The following KCNMB4 variants were observed in gnomAD, a reference collection of about 807,000 sequenced individuals.
KCNMB4 encodes the protein potassium calcium-activated channel subfamily M regulatory beta subunit 4.
KCNMB4 carries 3 observed loss-of-function variants against 20.7 expected under a neutral mutation model. The ratio of observed to expected loss-of-function variants is 0.14; its 90% CI spans 0.07 to 0.37. The LOEUF is 0.37. Among genes scored for constraint, KCNMB4 ranks in the 10% least tolerant of loss-of-function variants. The pLI is 1.00. For missense variants in KCNMB4, 168 were observed against 265.9 expected, an observed-to-expected ratio of 0.63 and a Z score of 2.56; for synonymous variants, 110 against 113.4, an observed-to-expected ratio of 0.97 and a Z score of 0.19.
intron 2 of KCNMB4, among the ~76,000 whole-genome samples, chr12:70,406,754 G>C (rs1868613275): frequency 6.6e-6 from 1 of 152,144 alleles, no homozygotes; most frequent in Non-Finnish European, 1.5e-5. Flanking sequence ...TGTTGTAAGG[G>C]CTGCCTCCCC....
rs1418281100 is a variant in KCNMB4 at position 70,432,810 on chromosome 12, T to C, written c.*2157T>C. On this transcript the variant is annotated 3_prime_UTR_variant, in exon 3 of 3. Coordinates refer to ENST00000258111, the MANE Select transcript of KCNMB4 (RefSeq NM_014505.6). ...GCATCACATTATGGGAGACGAAGTC[T>C]GCTTTATCCATTTTATCTTTATTCA... 1 of 152,206 alleles carries C rather than the reference T, an allele frequency of 6.6e-6. No homozygotes were observed. Among genetic ancestry groups the C allele is most frequent in the Non-Finnish European group, 1.5e-5 (1 of 68,044 alleles). The allele number at this position is 152,206 out of a possible 1,614,324, so 9.4% of individuals were successfully genotyped here. A position where few individuals can be genotyped will look rare whatever the true frequency, so the allele number is the denominator to read the frequency against.
intron 1 of KCNMB4, among the ~76,000 whole-genome samples, chr12:70,386,766 T>C (rs1026812484): frequency 2.0e-5 from 3 of 152,190 alleles, no homozygotes; most frequent in African/African-American, 7.2e-5. Flanking sequence ...CTTTTGTTTG[T>C]AATTGCAAAA....
chr12:70,417,409 G>A (rs1217250777), intron 2 of KCNMB4, among the ~76,000 whole-genome samples: 1 of 152,190 alleles, frequency 6.6e-6, no homozygotes, highest in Non-Finnish European at 1.5e-5. Context: ...AACAGGGATG[G>A]GGCAGGTGAG....
Position 70,430,509 on chromosome 12 carries a change from C to T in KCNMB4, c.489C>T (p.Arg163=), listed in dbSNP as rs757216573. ...HQRPDDVLLH[R]THDEIVLLHC... is the part of the protein sequence containing the mutation. ...GACCAGATGATGTGCTTCTGCATCG[C>T]ACTCATGATGAGATTGTCCTCCTGC... The change falls in exon 3 of 3, where the codon CGC becomes CGT. Residue 163 remains arginine (R), a synonymous_variant. Transcript: ENST00000258111. 8.7e-6 allele frequency: 14 copies of T among 1,612,964 alleles called. No homozygotes were observed. The highest frequency in any genetic ancestry group is 5.5e-5 in the South Asian group (5 of 90,748).
At chr12:70,406,857 A>T (rs1344634673) in intron 2 of KCNMB4, among the ~76,000 whole-genome samples, 1 of 152,182 alleles carries the variant, frequency 6.6e-6, no homozygotes, top group Non-Finnish European at 1.5e-5. Context: ...TGTGAGGTCT[A>T]CCTAAAAAGA....
At chr12:70,424,705 G>A (rs369214642) in intron 2 of KCNMB4, among the ~76,000 whole-genome samples, 18 of 151,956 alleles carry the variant, frequency 1.2e-4, no homozygotes, top group Middle Eastern at 3.2e-3. Flanking sequence ...AGCCGAGATC[G>A]TGCCACTGCA....
chr12:70,401,636 C>CTT (rs11382485), intron 2 of KCNMB4, among the ~76,000 whole-genome samples: 446 of 139,952 alleles, frequency 3.2e-3, no homozygotes, highest in African/African-American at 4.8e-3. Context: ...AGCAATGACA[C>CTT]TTTTTTTTTT....
At chr12:70,383,167 CTATG>C (rs1593325796) in intron 1 of KCNMB4, among the ~76,000 whole-genome samples, 1 of 152,166 alleles carries the variant, frequency 6.6e-6, no homozygotes, top group African/African-American at 2.4e-5. Context: ...CAGATCATAA[CTATG>C]TAAGGTGATG....
Position 70,366,564 on chromosome 12 carries a change from C to T in KCNMB4, c.-171C>T, listed in dbSNP as rs1883494691. 1 of 215,798 alleles carries T rather than the reference C, an allele frequency of 4.6e-6. No homozygotes were observed. Among genetic ancestry groups the T allele is most frequent in the Non-Finnish European group, 8.2e-6 (1 of 121,938 alleles). The allele number at this position is 215,798 out of a possible 1,614,324, so 13.4% of individuals were successfully genotyped here. On this transcript the variant is annotated 5_prime_UTR_variant, in exon 1 of 3. Coordinates refer to ENST00000258111, the MANE Select transcript of KCNMB4 (RefSeq NM_014505.6). ...CTGCCGCCGCCGCCGCCGGGGGCGT[C>T]GCTGGCCTCGGCCCCTTTGTTCTCG...
At chr12:70,395,426 A>G (rs541359914) in intron 1 of KCNMB4, among the ~76,000 whole-genome samples, 1 of 152,302 alleles carries the variant, frequency 6.6e-6, no homozygotes, top group African/African-American at 2.4e-5. Flanking sequence ...ACTCTGCCCA[A>G]ATGATTGAAA....
intron 1 of KCNMB4, among the ~76,000 whole-genome samples, chr12:70,393,013 A>G (rs1037180536): frequency 8.5e-5 from 13 of 152,196 alleles, no homozygotes; most frequent in East Asian, 3.9e-4. Flanking sequence ...AGTATTGGCC[A>G]TCTCCTCAGG....
chr12:70,374,193 A>G (rs1416117941), intron 1 of KCNMB4, among the ~76,000 whole-genome samples: 3 of 152,208 alleles, frequency 2.0e-5, no homozygotes, highest in Non-Finnish European at 4.4e-5. Context: ...ATCAGTTATA[A>G]TTTGCTTACA....
chr12:70,433,632 A>G lies in KCNMB4; in HGVS notation c.*2979A>G, dbSNP rs1057366575. ...GGGAAAGGGTTCTATTACTAAAGCTAAAAAGAGGGGAATGAATACTAGAGT... is the reference window on the plus strand; with the variant it reads ...GGGAAAGGGTTCTATTACTAAAGCTGAAAAGAGGGGAATGAATACTAGAGT... On this transcript the variant is annotated 3_prime_UTR_variant, in exon 3 of 3. Transcript: ENST00000258111. The G allele has an allele frequency of 6.6e-6, 1 of 152,270 alleles. No homozygotes were observed. The highest frequency in any genetic ancestry group is 2.4e-5 in the African/African-American group (1 of 41,474). The allele number at this position is 152,270 out of a possible 1,614,324, so 9.4% of individuals were successfully genotyped here. A position where few individuals can be genotyped will look rare whatever the true frequency, so the allele number is the denominator to read the frequency against.
At chr12:70,425,279 A>C (rs896544015) in intron 2 of KCNMB4, among the ~76,000 whole-genome samples, 3 of 152,062 alleles carry the variant, frequency 2.0e-5, no homozygotes, top group African/African-American at 4.8e-5. Context: ...TACTAAAAAC[A>C]CAAAAAAAAT....
At chr12:70,410,915 G>A (rs1213559707) in intron 2 of KCNMB4, among the ~76,000 whole-genome samples, 1 of 152,182 alleles carries the variant, frequency 6.6e-6, no homozygotes, top group East Asian at 1.9e-4. Flanking sequence ...TGTAGCATAT[G>A]TTTTTAAATC....
At chr12:70,422,371 A>C (rs992346702) in intron 2 of KCNMB4, among the ~76,000 whole-genome samples, 1 of 152,372 alleles carries the variant, frequency 6.6e-6, no homozygotes, top group South Asian at 2.1e-4. Context: ...GCTAGTTTTC[A>C]AAATCCTGCA....
chr12:70,423,727 G>A (rs778226524), intron 2 of KCNMB4, among the ~76,000 whole-genome samples: 2 of 151,894 alleles, frequency 1.3e-5, no homozygotes, highest in Non-Finnish European at 2.9e-5. Flanking sequence ...CTCCCTCCTC[G>A]ACCTCCCAAA....
chr12:70,429,200 A>G (rs567609653), intron 2 of KCNMB4, among the ~76,000 whole-genome samples: 2 of 152,182 alleles, frequency 1.3e-5, no homozygotes, highest in African/African-American at 2.4e-5. Flanking sequence ...TCTGTGTTAG[A>G]TGCACTGCCC....
In KCNMB4 at chr12:70,382,432, CAAAAA is replaced by C. The variant is rs397796979; in HGVS notation, c.336+15383_336+15387del. 8.0e-5 allele frequency among the ~76,000 whole-genome samples: 7 copies of C among 87,952 alleles called. 1 individual carries two copies. The South Asian group carries it at 1.2e-3, about 15-fold the overall frequency. 57.7% of individuals were successfully genotyped at this position (87,952 alleles called of 152,430 possible). A position where few individuals can be genotyped will look rare whatever the true frequency, so the allele number is the denominator to read the frequency against. On this transcript the variant is annotated intron_variant, in intron 1 of 2. Transcript: ENST00000258111. ...TGGGCGACAGAACGAGACTCCGTCT[CAAAAA>C]AAAAAAAAAAAAAAAAAAAATTTAA...
Sources: gnomAD v4.1 joint callset for allele counts (sites outside exome capture counted in the v4.1 genomes callset) on GRCh38, gnomAD v4.1.1 for gene constraint, MANE v1.5 for transcripts, NCBI Gene and HGNC (gene_info 2026-07-23, HGNC 2026-07-21) for gene names.